The following ELSPBP1 variants were observed in gnomAD, a reference collection of about 807,000 sequenced individuals.
ELSPBP1 encodes the protein epididymal sperm binding protein 1.
Under a neutral mutation model 33.3 loss-of-function variants are expected in ELSPBP1, and 38 were observed. The observed-to-expected ratio is 1.14, with a 90% CI of 0.88 to 1.50. The LOEUF is 1.50. ELSPBP1 is among the 40% of genes most tolerant of loss of function. ELSPBP1 has a pLI of 0.00. For missense variants in ELSPBP1, 267 were observed against 263.5 expected (o/e 1.01, Z -0.09); for synonymous variants, 85 against 94.1 (o/e 0.90, Z 0.56).
chr19:48,023,375 AGGAAAGG>A (rs1967225892), intron 6 of ELSPBP1, among the ~76,000 whole-genome samples: 1 of 77,632 alleles, frequency 1.3e-5, no homozygotes, highest in Non-Finnish European at 2.7e-5. Context: ...GAAGGAAGAG[AGGAAAGG>A]AGGGAGGAGG....
chr19:47,996,567 T>C (rs1350424713), intron 1 of ELSPBP1, among the ~76,000 whole-genome samples: 1 of 151,338 alleles, frequency 6.6e-6, no homozygotes, highest in Non-Finnish European at 1.5e-5. Context: ...GATGGATGTA[T>C]GGATGATGGA....
At chr19:48,006,022 G>A (rs868577652) in intron 1 of ELSPBP1, among the ~76,000 whole-genome samples, 17 of 152,126 alleles carry the variant, frequency 1.1e-4, no homozygotes, top group Admixed American at 3.3e-4. Flanking sequence ...GTGCAGTGGT[G>A]CGATCATAGT....
intron 4 of ELSPBP1, 74 bp downstream of exon 4, chr19:48,016,113 C>G: frequency 6.4e-7 from 1 of 1,560,378 alleles, no homozygotes; most frequent in African/African-American, 1.4e-5. Context: ...TGAGGGGAGG[C>G]TGGGCAAGGT....
At chr19:48,002,883 G>A (rs186915006) in intron 1 of ELSPBP1, among the ~76,000 whole-genome samples, 1 of 152,298 alleles carries the variant, frequency 6.6e-6, no homozygotes, top group East Asian at 1.9e-4. Flanking sequence ...TTTACACAGT[G>A]CTTTCCAGCA....
chr19:48,023,930 G>A (rs919465845), intron 6 of ELSPBP1, among the ~76,000 whole-genome samples: 29 of 151,056 alleles, frequency 1.9e-4, no homozygotes, highest in Non-Finnish European at 1.5e-5. Flanking sequence ...GAGTGCAGTG[G>A]TGCAATCTCA....
At chr19:48,021,410 T>G (rs1967198521) in intron 5 of ELSPBP1, among the ~76,000 whole-genome samples, 1 of 148,340 alleles carries the variant, frequency 6.7e-6, no homozygotes, top group Non-Finnish European at 1.5e-5. Flanking sequence ...TTTTTTAGTT[T>G]TTTTTTTTTT....
intron 4 of ELSPBP1, among the ~76,000 whole-genome samples, chr19:48,018,853 G>A (rs1967168530): frequency 6.6e-6 from 1 of 152,122 alleles, no homozygotes; most frequent in African/African-American, 2.4e-5. Flanking sequence ...TTCCTTGACA[G>A]CATCTTAATA....
chr19:47,995,620 G>T (rs1229629824), intron 1 of ELSPBP1, among the ~76,000 whole-genome samples: 1 of 152,214 alleles, frequency 6.6e-6, no homozygotes, highest in Non-Finnish European at 1.5e-5. Flanking sequence ...GGCTTACACT[G>T]AAGTTTTGTT....
chr19:48,016,257 T>A (rs889246323), intron 4 of ELSPBP1, among the ~76,000 whole-genome samples: 1 of 151,784 alleles, frequency 6.6e-6, no homozygotes, highest in Non-Finnish European at 1.5e-5. Context: ...AAGACAGGAG[T>A]CCTGAGAACT....
intron 1 of ELSPBP1, among the ~76,000 whole-genome samples, chr19:48,005,538 C>G (rs549151204): frequency 6.6e-6 from 1 of 152,252 alleles, no homozygotes; most frequent in Non-Finnish European, 1.5e-5. Flanking sequence ...ATATTTTGGG[C>G]TGTATCTCAA....
intron 2 of ELSPBP1, among the ~76,000 whole-genome samples, chr19:48,013,618 G>C (rs1267502131): frequency 6.6e-6 from 1 of 152,018 alleles, no homozygotes; most frequent in Non-Finnish European, 1.5e-5. Context: ...TTTAGAGGCT[G>C]AGGCAGGAGA....
intron 5 of ELSPBP1, among the ~76,000 whole-genome samples, 156 bp from the exon 6 acceptor site, chr19:48,022,014 C>T (rs960649675): frequency 2.6e-5 from 4 of 152,092 alleles, no homozygotes. Flanking sequence ...CACAACTGAG[C>T]TGGGATTAAA....
rs1476320355 is a variant in ELSPBP1 at position 48,014,418 on chromosome 19, ACGTAT to A, written c.208+111_208+115del. The stretch of plus-strand genomic sequence containing the variant: ...CACATTTTTGCAGACAAACGGTAAT[ACGTAT>A]GCGTGCGTAGAAAAGGCTCTGGGTT... On this transcript the variant is annotated intron_variant, in intron 3 of 6. Transcript: ENST00000339841. 4.9e-6 allele frequency: 6 copies of A among 1,222,914 alleles called. No homozygotes were observed. The Admixed American group carries it at 1.4e-4, about 29-fold the overall frequency. 75.8% of individuals were successfully genotyped at this position (1,222,914 alleles called of 1,614,324 possible). A position where few individuals can be genotyped will look rare whatever the true frequency, so the allele number is the denominator to read the frequency against.
intron 4 of ELSPBP1, among the ~76,000 whole-genome samples, chr19:48,018,655 T>C (rs1967166632): frequency 6.6e-6 from 1 of 152,104 alleles, no homozygotes; most frequent in Admixed American, 6.6e-5. Flanking sequence ...CAAACTGAGG[T>C]TAATAGAAGC....
chr19:48,009,120 G>A (rs1967052216), intron 2 of ELSPBP1, among the ~76,000 whole-genome samples: 2 of 128,118 alleles, frequency 1.6e-5, no homozygotes, highest in African/African-American at 3.0e-5. Context: ...TGGGAGACAA[G>A]AGCAAAACTC....
intron 2 of ELSPBP1, among the ~76,000 whole-genome samples, chr19:48,010,473 A>G (rs1050620225): frequency 6.6e-6 from 1 of 152,206 alleles, no homozygotes; most frequent in African/African-American, 2.4e-5. Context: ...TGCAGAAATA[A>G]ACAAAACCTA....
At chr19:47,995,026 G>A (rs1266227687) in intron 1 of ELSPBP1, among the ~76,000 whole-genome samples, 3 of 152,130 alleles carry the variant, frequency 2.0e-5, no homozygotes, top group Non-Finnish European at 4.4e-5. Context: ...ATATCTAAAC[G>A]ATTATCATTT....
At chr19:48,022,087 CT>C in intron 5 of ELSPBP1, 82 bp from the exon 6 acceptor site, 3 of 1,326,428 alleles carry the variant, frequency 2.3e-6, no homozygotes, top group Non-Finnish European at 3.1e-6. Flanking sequence ...AATTTGAAAT[CT>C]AGGGTGGGCC....
chr19:48,001,408 C>T (rs1966966502), intron 1 of ELSPBP1, among the ~76,000 whole-genome samples: 1 of 151,266 alleles, frequency 6.6e-6, no homozygotes, highest in Non-Finnish European at 1.5e-5. Context: ...GTCTCAATCT[C>T]CTGACCTCAT....
Sources: allele counts gnomAD v4.1 joint callset (sites outside exome capture counted in the v4.1 genomes callset), GRCh38; gene constraint gnomAD v4.1.1; transcripts MANE v1.5; gene names NCBI Gene and HGNC (gene_info 2026-07-23, HGNC 2026-07-21).